Variants in RSU1 observed in about 807,000 individuals in gnomAD.
The protein encoded by RSU1 is Ras suppressor protein 1, also known as rsu-1.
RSU1 carries 26 observed loss-of-function variants against 31.1 expected under a neutral mutation model. The observed-to-expected ratio is 0.84, with a 90% CI of 0.61 to 1.16. The LOEUF (loss-of-function observed/expected upper bound fraction) is 1.16, where lower values mean the gene tolerates loss of function less well. RSU1 is among the 50% of genes most tolerant of loss of function. The pLI, the probability that RSU1 is intolerant of heterozygous loss-of-function variation, is 0.00. For missense variants in RSU1, 320 were observed against 339.1 expected (o/e 0.94, Z 0.44); for synonymous variants, 164 against 136.3 (o/e 1.20, Z -1.41).
At chr10:16,751,284 A>T (rs1288390395) in intron 7 of RSU1, among the ~76,000 whole-genome samples, 1 of 152,168 alleles carries the variant, frequency 6.6e-6, no homozygotes, top group African/African-American at 2.4e-5. Context: ...CAGTAAAGAG[A>T]AGTGTTGAGT....
chr10:16,782,355 C>T (rs1398507933), intron 2 of RSU1, among the ~76,000 whole-genome samples: 1 of 152,236 alleles, frequency 6.6e-6, no homozygotes, highest in East Asian at 1.9e-4. Flanking sequence ...GGCCAGTTAG[C>T]TCTGCGTGGC....
At position 16,740,591 on chromosome 10, in the gene RSU1, A is replaced by C. The variant is rs185999279; in HGVS notation, c.598+11948T>G. ...GAGAAAATTCTAAGGAATCCACTAA[A>C]AAACAATGAGAATAACTGAGTTCAT... On this transcript the variant is annotated intron_variant, in intron 7 of 8. Transcript: ENST00000345264. 3.9e-5 allele frequency among the ~76,000 whole-genome samples: 6 copies of C among 152,364 alleles called. No individual in the cohort carries two copies. In the East Asian group the frequency reaches 1.2e-3, roughly 29 times the overall value.
At chr10:16,768,084 C>G (rs1048720629) in intron 3 of RSU1, among the ~76,000 whole-genome samples, 1 of 152,192 alleles carries the variant, frequency 6.6e-6, no homozygotes, top group African/African-American at 2.4e-5. Flanking sequence ...TTTCTTACAT[C>G]TTTGAAACGA....
intron 2 of RSU1, among the ~76,000 whole-genome samples, chr10:16,813,305 G>A (rs1838448959): frequency 1.3e-5 from 2 of 152,092 alleles, no homozygotes; most frequent in Admixed American, 6.6e-5. Context: ...TAGAACCTTA[G>A]GCAAAAGTAC....
At chr10:16,731,459 A>G (rs2131600621) in intron 7 of RSU1, among the ~76,000 whole-genome samples, 1 of 152,022 alleles carries the variant, frequency 6.6e-6, no homozygotes, top group South Asian at 2.1e-4. Context: ...CTGTGGCAAG[A>G]AACATATTTA....
chr10:16,686,186 TA>T (rs1357133485), intron 8 of RSU1, among the ~76,000 whole-genome samples: 2 of 152,106 alleles, frequency 1.3e-5, no homozygotes, highest in Non-Finnish European at 2.9e-5. Context: ...CAGAGTTCAA[TA>T]AAAAACCAGC....
At chr10:16,714,654 C>G (rs1490166698) in intron 7 of RSU1, among the ~76,000 whole-genome samples, 1 of 152,068 alleles carries the variant, frequency 6.6e-6, no homozygotes, top group African/African-American at 2.4e-5. Flanking sequence ...GGGTCTCAGT[C>G]ATTCCATGTG....
At chr10:16,657,388 T>C (rs986417812) in intron 8 of RSU1, among the ~76,000 whole-genome samples, 15 of 152,216 alleles carry the variant, frequency 9.9e-5, no homozygotes, top group African/African-American at 3.6e-4. Context: ...TGTACGAATA[T>C]GTCTCACTAA....
chr10:16,683,297 A>G (rs1320721808), intron 8 of RSU1, among the ~76,000 whole-genome samples: 1 of 152,130 alleles, frequency 6.6e-6, no homozygotes. Context: ...AGGAAAATGA[A>G]GGAACAAATT....
At chr10:16,726,723 T>C (rs1836404165) in intron 7 of RSU1, among the ~76,000 whole-genome samples, 1 of 152,128 alleles carries the variant, frequency 6.6e-6, no homozygotes, top group Non-Finnish European at 1.5e-5. Context: ...TTTTTTCTCA[T>C]ATTGAATTAG....
chr10:16,636,278 TG>T (rs1834343677), intron 8 of RSU1, among the ~76,000 whole-genome samples: 2 of 152,136 alleles, frequency 1.3e-5, no homozygotes, highest in Admixed American at 1.3e-4. Context: ...CCTTCAAATC[TG>T]TTCACTCTCA....
chr10:16,654,646 G>C (rs373792641), intron 8 of RSU1, among the ~76,000 whole-genome samples: 6 of 149,326 alleles, frequency 4.0e-5, no homozygotes, highest in East Asian at 4.0e-4. Flanking sequence ...TCCAGCCTGA[G>C]TGACAGAGTG....
chr10:16,751,588 G>A (rs1564343959), intron 7 of RSU1, among the ~76,000 whole-genome samples: 1 of 152,160 alleles, frequency 6.6e-6, no homozygotes, highest in Non-Finnish European at 1.5e-5. Flanking sequence ...TTCAGTCAGT[G>A]TTTTCTGAGC....
rs1468899527 is a variant in RSU1 at position 16,802,862 on chromosome 10, T to C, written c.109+14111A>G. Among the ~76,000 whole-genome samples the C allele has an allele frequency of 5.3e-5, 8 of 152,222 alleles. No homozygotes were observed. In the East Asian group the frequency reaches 5.8e-4, roughly 11 times the overall value. On this transcript the variant is annotated intron_variant, in intron 2 of 8. Coordinates refer to ENST00000345264, the MANE Select transcript of RSU1 (RefSeq NM_012425.4). The stretch of plus-strand genomic sequence containing the variant: ...ATAAAAACTCTTAGCAAACTAGGAA[T>C]AGAGGAAGAACTTTCTCAACTTAAT...
intron 2 of RSU1, among the ~76,000 whole-genome samples, chr10:16,792,326 G>A (rs965876642): frequency 6.6e-6 from 1 of 152,152 alleles, no homozygotes; most frequent in Non-Finnish European, 1.5e-5. Flanking sequence ...TCCACCTCCC[G>A]AGTTCAAATG....
chr10:16,753,149 G>T, intron 5 of RSU1, 149 bp from the exon 6 acceptor site: 1 of 604,498 alleles, frequency 1.7e-6, no homozygotes, highest in Non-Finnish European at 3.0e-6. Flanking sequence ...TAACAAGCAG[G>T]TCAAACTTAG....
chr10:16,780,084 C>A (rs1431598911), intron 3 of RSU1, among the ~76,000 whole-genome samples: 5 of 152,178 alleles, frequency 3.3e-5, no homozygotes, highest in Admixed American at 3.3e-4. Flanking sequence ...TGTAACTCCA[C>A]ATATAAATAT....
chr10:16,641,491 C>CAAAAAA (rs59893762), intron 8 of RSU1, among the ~76,000 whole-genome samples: 1 of 114,352 alleles, frequency 8.7e-6, no homozygotes, highest in African/African-American at 3.0e-5. Flanking sequence ...GACTTTATCT[C>CAAAAAA]AAAAAAAAAA....
rs149104978 is a variant in RSU1, at chr10:16,743,900, G to A, written c.598+8639C>T. 3.2e-3 allele frequency among the ~76,000 whole-genome samples: 485 copies of A among 152,252 alleles called. 3 individuals carry two copies. The highest frequency in any genetic ancestry group is 0.011 in the African/African-American group (464 of 41,546). On this transcript the variant is annotated intron_variant, in intron 7 of 8. Coordinates refer to ENST00000345264, the MANE Select transcript of RSU1 (RefSeq NM_012425.4). ...AATCCTAACATTTTGGGAGGACAAG[G>A]TGGAAGGACGGCCTCAGCTCAGGAG...
Sources: allele counts gnomAD v4.1 joint callset (sites outside exome capture counted in the v4.1 genomes callset), GRCh38; gene constraint gnomAD v4.1.1; transcripts MANE v1.5; gene names NCBI Gene and HGNC (gene_info 2026-07-23, HGNC 2026-07-21).